ACBD3: variants seen among roughly 807,000 people sequenced by gnomAD.
ACBD3 encodes Golgi resident protein GCP60.
A neutral mutation model predicts 66.9 loss-of-function variants in ACBD3; 30 were observed. The observed-to-expected ratio is 0.45, with a 90% CI of 0.34 to 0.61. The LOEUF (loss-of-function observed/expected upper bound fraction) is 0.61, where lower values mean the gene tolerates loss of function less well. Ranked by LOEUF, ACBD3 falls within the 20% of genes least tolerant of loss-of-function variation. ACBD3 has a pLI of 0.02. For missense variants in ACBD3, 544 were observed against 664.5 expected (o/e 0.82, Z 1.99); for synonymous variants, 278 against 259.8 (o/e 1.07, Z -0.68).
Position 226,146,473 on chromosome 1 carries a change from G to T in ACBD3, c.*137C>A. 4.1e-6 allele frequency: 3 copies of T among 733,968 alleles called. No homozygotes were observed. The highest frequency in any genetic ancestry group is 6.6e-6 in the Non-Finnish European group (3 of 456,864). 45.5% of individuals were successfully genotyped at this position (733,968 alleles called of 1,614,324 possible). On this transcript the variant is annotated 3_prime_UTR_variant, in exon 8 of 8. Coordinates refer to ENST00000366812, the MANE Select transcript of ACBD3 (RefSeq NM_022735.4). Reference sequence around the variant, plus strand: ...AGTCTCAAGGAAATTTTGATTCCCAGCAAGAGTTCACAAACCATCAGACCA... The same window carrying T: ...AGTCTCAAGGAAATTTTGATTCCCATCAAGAGTTCACAAACCATCAGACCA...
intron 5 of ACBD3, among the ~76,000 whole-genome samples, chr1:226,158,038 T>A (rs78272145): frequency 2.7e-3 from 414 of 152,300 alleles, no homozygotes; most frequent in Admixed American, 4.8e-3. Context: ...AGAGAATAAA[T>A]CTCTCAAAAA....
rs1038121244 is a variant in ACBD3, at chr1:226,145,865, G to C, written c.*745C>G. 6.6e-6 allele frequency: 1 copy of C among 152,214 alleles called. No individual in the cohort carries two copies. The highest frequency in any genetic ancestry group is 1.5e-5 in the Non-Finnish European group (1 of 68,020). 9.4% of individuals were successfully genotyped at this position (152,214 alleles called of 1,614,324 possible). ...CAAAACAAAACAAAACAAAAAACCT[G>C]TATTTTGCTACTAGTAGTATGAATA... On this transcript the variant is annotated 3_prime_UTR_variant, in exon 8 of 8. Transcript: ENST00000366812.
In ACBD3 at chr1:226,151,937, G is replaced by A. The variant is rs575491756; in HGVS notation, c.1375+398C>T. Among the ~76,000 whole-genome samples, 320 of 152,088 alleles carry A rather than the reference G, an allele frequency of 2.1e-3. 2 individuals carry two copies. Among genetic ancestry groups the A allele is most frequent in the South Asian group, 0.017 (84 of 4,804 alleles). ...CAGGAGAATCGCTTGAACCTAAGAG[G>A]CCGAGACTACTGTGAGCAGAGATCA... On this transcript the variant is annotated intron_variant, in intron 7 of 7. Transcript: ENST00000366812.
chr1:226,164,270 A>T (rs67431141), intron 3 of ACBD3, among the ~76,000 whole-genome samples: 21,242 of 152,150 alleles, frequency 0.14, 1,676 homozygotes, highest in Middle Eastern at 0.22. Flanking sequence ...TCTAATTCAC[A>T]ACTACAACAG....
At chr1:226,180,214 AAATC>A (rs1032099693) in intron 1 of ACBD3, among the ~76,000 whole-genome samples, 2 of 151,916 alleles carry the variant, frequency 1.3e-5, no homozygotes, top group African/African-American at 4.8e-5. Context: ...CAGTATTCCT[AAATC>A]AATGAGTAGG....
chr1:226,149,934 T>C (rs1336293334), intron 7 of ACBD3, among the ~76,000 whole-genome samples: 1 of 152,132 alleles, frequency 6.6e-6, no homozygotes, highest in Non-Finnish European at 1.5e-5. Context: ...AATGAGTCCC[T>C]GTGATGCAAC....
At chr1:226,147,927 T>C (rs1385912790) in intron 7 of ACBD3, 2 of 152,208 alleles carry the variant, frequency 1.3e-5, no homozygotes, top group Non-Finnish European at 2.9e-5. Flanking sequence ...TTCGGGTTTA[T>C]GGTTGTTGTT....
intron 7 of ACBD3, among the ~76,000 whole-genome samples, chr1:226,150,096 G>A (rs984984600): frequency 2.1e-5 from 3 of 143,924 alleles, no homozygotes; most frequent in East Asian, 2.0e-4. Context: ...TAGCTCTGTC[G>A]CTCGGGCTGG....
intron 5 of ACBD3, among the ~76,000 whole-genome samples, chr1:226,155,391 T>C (rs1461860845): frequency 7.1e-6 from 1 of 141,826 alleles, no homozygotes; most frequent in Admixed American, 7.5e-5. Flanking sequence ...CATTCCAGCC[T>C]GAGCAACAAA....
rs1241477987 is a variant in ACBD3, at chr1:226,144,907, T to C, written c.*1703A>G. Reference sequence around the variant, plus strand: ...CATCTTAACATGTGCAAGGACAAATTTGTAATCAAAGGCTGGAAGAAATAT... The same window carrying C: ...CATCTTAACATGTGCAAGGACAAATCTGTAATCAAAGGCTGGAAGAAATAT... On this transcript the variant is annotated 3_prime_UTR_variant, in exon 8 of 8. Coordinates refer to ENST00000366812, the MANE Select transcript of ACBD3 (RefSeq NM_022735.4). 6.6e-6 allele frequency: 1 copy of C among 152,620 alleles called. No homozygotes were observed. The highest frequency in any genetic ancestry group is 1.5e-5 in the Non-Finnish European group (1 of 68,028). 9.5% of individuals were successfully genotyped at this position (152,620 alleles called of 1,614,324 possible).
rs546234798 is a variant in ACBD3, at chr1:226,146,301, A to G, written c.*309T>C. ...GCTAACCATCAGCCGGGTAAGGTCAACGTTGGGGTGTTTTATTTTGGAGAC... is the reference window on the plus strand; with the variant it reads ...GCTAACCATCAGCCGGGTAAGGTCAGCGTTGGGGTGTTTTATTTTGGAGAC... On this transcript the variant is annotated 3_prime_UTR_variant, in exon 8 of 8. Transcript: ENST00000366812. 3.6e-6 allele frequency: 1 copy of G among 274,442 alleles called. No individual in the cohort carries two copies. The highest frequency in any genetic ancestry group is 4.5e-5 in the South Asian group (1 of 22,156). 17.0% of individuals were successfully genotyped at this position (274,442 alleles called of 1,614,324 possible).
intron 3 of ACBD3, among the ~76,000 whole-genome samples, chr1:226,164,113 T>C (rs1659822286): frequency 2.2e-5 from 1 of 45,702 alleles, no homozygotes; most frequent in Non-Finnish European, 3.5e-5. Flanking sequence ...CAAGACTCCA[T>C]CTTAAAAAAA....
At chr1:226,165,780 T>C in intron 2 of ACBD3, 79 bp downstream of exon 2, 1 of 1,487,936 alleles carries the variant, frequency 6.7e-7, no homozygotes, top group Non-Finnish European at 9.0e-7. Flanking sequence ...AACCAGCTAC[T>C]TACACCTTAA....
In ACBD3 at chr1:226,163,891, C is replaced by A. The variant is rs1286956076; in HGVS notation, c.569+898G>T. ...ATCCCAGCACTTTGGGAGGACCAGGCGGGTGGATCACCTGAGGTCAGGAGT... is the reference window on the plus strand; with the variant it reads ...ATCCCAGCACTTTGGGAGGACCAGGAGGGTGGATCACCTGAGGTCAGGAGT... On this transcript the variant is annotated intron_variant, in intron 3 of 7. Coordinates refer to ENST00000366812, the MANE Select transcript of ACBD3 (RefSeq NM_022735.4). Among the ~76,000 whole-genome samples, 7 of 152,108 alleles carry A rather than the reference C, an allele frequency of 4.6e-5. No homozygotes were observed. In the East Asian group the frequency reaches 1.4e-3, roughly 29 times the overall value.
At chr1:226,167,831 C>T (rs1443227720) in intron 1 of ACBD3, among the ~76,000 whole-genome samples, 1 of 152,104 alleles carries the variant, frequency 6.6e-6, no homozygotes, top group Non-Finnish European at 1.5e-5. Context: ...AAAAGATATT[C>T]AACCCCACTA....
At chr1:226,173,127 G>C (rs971501387) in intron 1 of ACBD3, among the ~76,000 whole-genome samples, 2 of 152,096 alleles carry the variant, frequency 1.3e-5, no homozygotes, top group Non-Finnish European at 2.9e-5. Context: ...CCAAAATTTA[G>C]CTGGGCATGG....
chr1:226,165,077 G>A (rs1057208060), intron 2 of ACBD3, 148 bp from the exon 3 acceptor site: 1 of 799,012 alleles, frequency 1.3e-6, no homozygotes, highest in Non-Finnish European at 1.8e-6. Flanking sequence ...GTTTTAACAA[G>A]TATGTATTGA....
rs1227105413 is a variant in ACBD3, at chr1:226,186,373, GGGCT to G, written c.286+13_286+16del. On this transcript the variant is annotated intron_variant, in intron 1 of 7. Coordinates refer to ENST00000366812, the MANE Select transcript of ACBD3 (RefSeq NM_022735.4). ...GGGCCGGGCAGAAGCGGCGGGGGTGGGGCTGGCCCGGCTCACCTTTGAAGAAGCG... is the reference window on the plus strand; with the variant it reads ...GGGCCGGGCAGAAGCGGCGGGGGTGGGGCCCGGCTCACCTTTGAAGAAGCG... 6.6e-7 allele frequency: 1 copy of G among 1,507,464 alleles called. No individual in the cohort carries two copies. Among genetic ancestry groups the G allele is most frequent in the Admixed American group, 2.1e-5 (1 of 47,306 alleles). 93.4% of individuals were successfully genotyped at this position (1,507,464 alleles called of 1,614,324 possible). A position where few individuals can be genotyped will look rare whatever the true frequency, so the allele number is the denominator to read the frequency against.
chr1:226,165,039 AT>A, intron 2 of ACBD3, 110 bp from the exon 3 acceptor site: 1 of 1,201,092 alleles, frequency 8.3e-7, no homozygotes. Context: ...GAATGATTCT[AT>A]TGGGAGCAAA....
Sources: allele counts gnomAD v4.1 joint callset (sites outside exome capture counted in the v4.1 genomes callset), GRCh38; gene constraint gnomAD v4.1.1; transcripts MANE v1.5; gene names NCBI Gene and HGNC (gene_info 2026-07-23, HGNC 2026-07-21).